RAB3IP: variants seen among roughly 807,000 people sequenced by gnomAD.
RAB3IP encodes the protein RAB3A interacting protein.
In RAB3IP, 36 loss-of-function variants were observed where a neutral mutation model predicts 59.1. The observed-to-expected ratio is 0.61, with a 90% CI of 0.47 to 0.80. The LOEUF (loss-of-function observed/expected upper bound fraction) is 0.80, where lower values mean the gene tolerates loss of function less well. RAB3IP is among the 30% of genes least tolerant of loss of function. RAB3IP has a pLI of 0.00. For missense variants in RAB3IP, 511 were observed against 536.0 expected, an observed-to-expected ratio of 0.95 and a Z score of 0.46; for synonymous variants, 207 against 191.2, an observed-to-expected ratio of 1.08 and a Z score of -0.68.
intron 3 of RAB3IP, among the ~76,000 whole-genome samples, chr12:69,760,522 T>C (rs1417343746): frequency 6.6e-6 from 1 of 152,250 alleles, no homozygotes; most frequent in African/African-American, 2.4e-5. Context: ...TTTCTTCATG[T>C]GGATCCAGAT....
intron 10 of RAB3IP, among the ~76,000 whole-genome samples, chr12:69,813,430 G>T (rs1880745988): frequency 1.3e-5 from 2 of 152,138 alleles, no homozygotes; most frequent in South Asian, 4.1e-4. Context: ...AACCATCATG[G>T]AGCTCAAAAT....
chr12:69,806,174 T>G (rs113260156), intron 8 of RAB3IP, among the ~76,000 whole-genome samples: 6 of 152,176 alleles, frequency 3.9e-5, no homozygotes, highest in African/African-American at 9.7e-5. Context: ...CAATTTCAGA[T>G]CCTGTTATTG....
At chr12:69,772,300 A>G (rs1032233721) in intron 3 of RAB3IP, among the ~76,000 whole-genome samples, 1 of 152,120 alleles carries the variant, frequency 6.6e-6, no homozygotes, top group African/African-American at 2.4e-5. Context: ...ATGTCCTTAC[A>G]GAGGATTTGA....
At chr12:69,757,068 T>A (rs1870348565) in intron 3 of RAB3IP, among the ~76,000 whole-genome samples, 1 of 152,248 alleles carries the variant, frequency 6.6e-6, no homozygotes, top group African/African-American at 2.4e-5. Context: ...AGTTTGAATA[T>A]TTTCTGTATC....
chr12:69,753,537 C>A (rs1869680859), intron 1 of RAB3IP, among the ~76,000 whole-genome samples: 1 of 151,932 alleles, frequency 6.6e-6, no homozygotes, highest in African/African-American at 2.4e-5. Flanking sequence ...TTAGTAGAGA[C>A]AGGGTTTCAC....
At chr12:69,810,497 A>T (rs1177894959) in intron 8 of RAB3IP, among the ~76,000 whole-genome samples, 2 of 152,192 alleles carry the variant, frequency 1.3e-5, no homozygotes. Flanking sequence ...AGCTGTTCCT[A>T]TTCGGCCATC....
Position 69,773,399 on chromosome 12 carries a change from C to CTTTTTTTTTTTT in RAB3IP, c.511-11308_511-11297dup, listed in dbSNP as rs71437123. On this transcript the variant is annotated intron_variant, in intron 3 of 10. Coordinates refer to ENST00000247833, the MANE Select transcript of RAB3IP (RefSeq NM_022456.5). ...ATACGCCTTCTACCCATTTGTCTTT[C>CTTTTTTTTTTTT]TTTTTTTTTTTTTTTTTTTTTTTTA... Among the ~76,000 whole-genome samples the CTTTTTTTTTTTT allele has an allele frequency of 6.4e-3, 308 of 47,972 alleles. 5 individuals are homozygous for CTTTTTTTTTTTT. The highest frequency in any genetic ancestry group is 6.8e-3 in the Non-Finnish European group (182 of 26,788). 31.5% of individuals were successfully genotyped at this position (47,972 alleles called of 152,430 possible).
chr12:69,801,623 T>C lies in RAB3IP; in HGVS notation c.1032T>C (p.Val344=), dbSNP rs768783256. 3 of 1,611,482 alleles carry C rather than the reference T, an allele frequency of 1.9e-6. No homozygotes were observed. In the Admixed American group the frequency reaches 5.0e-5, roughly 27 times the overall value. The part of the protein sequence containing the change: ...TFSKSELASA[V]LEAVENNTLS... ...TTTTTTTTAAGTTGGCTTCAGCTGT[T>C]CTGGAGGCTGTGGAAAACAATACTC... The change falls in exon 8 of 11, where the codon GTT becomes GTC. Residue 344 remains valine, a synonymous_variant. Coordinates refer to ENST00000247833, the MANE Select transcript of RAB3IP (RefSeq NM_022456.5).
At chr12:69,752,503 G>A (rs1013268827) in intron 1 of RAB3IP, among the ~76,000 whole-genome samples, 1 of 152,100 alleles carries the variant, frequency 6.6e-6, no homozygotes, top group Non-Finnish European at 1.5e-5. Context: ...CATTGAATCA[G>A]TTTTTTGCTA....
At chr12:69,814,862 C>T (rs1880953141) in intron 10 of RAB3IP, among the ~76,000 whole-genome samples, 1 of 152,124 alleles carries the variant, frequency 6.6e-6, no homozygotes, top group African/African-American at 2.4e-5. Context: ...ATTTTTATTT[C>T]TAATTTGAGC....
chr12:69,812,749 A>G lies in RAB3IP; in HGVS notation c.1131-29A>G, dbSNP rs75724582. The G allele has an allele frequency of 1.6e-3, 2,498 of 1,525,486 alleles. 35 individuals carry two copies. The African/African-American group carries it at 0.031, about 19-fold the overall frequency. 94.5% of individuals were successfully genotyped at this position (1,525,486 alleles called of 1,614,324 possible). A position where few individuals can be genotyped will look rare whatever the true frequency, so the allele number is the denominator to read the frequency against. On this transcript the variant is annotated intron_variant, in intron 8 of 10. Coordinates refer to ENST00000247833, the MANE Select transcript of RAB3IP (RefSeq NM_022456.5). ...GTAGGGGCAAATGCTTTTCATTTCA[A>G]AAAACTGAAATTTATCATTATTTCA... is the stretch of plus-strand genomic sequence containing the variant.
At chr12:69,769,000 T>G (rs1049276572) in intron 3 of RAB3IP, among the ~76,000 whole-genome samples, 3 of 152,020 alleles carry the variant, frequency 2.0e-5, no homozygotes, top group African/African-American at 7.3e-5. Context: ...TGGGGTCAGG[T>G]CTTTCCTGGG....
At chr12:69,785,179 A>G (rs1395187854) in intron 4 of RAB3IP, among the ~76,000 whole-genome samples, 1 of 152,234 alleles carries the variant, frequency 6.6e-6, no homozygotes, top group African/African-American at 2.4e-5. Context: ...ACATGGGATG[A>G]TTTGAGAAAT....
intron 8 of RAB3IP, among the ~76,000 whole-genome samples, chr12:69,809,766 C>A (rs1184930926): frequency 6.6e-6 from 1 of 152,152 alleles, no homozygotes; most frequent in Non-Finnish European, 1.5e-5. Flanking sequence ...CCTTTAAGGA[C>A]TTCTCTGCAT....
intron 4 of RAB3IP, among the ~76,000 whole-genome samples, chr12:69,789,398 A>G (rs1283685353): frequency 6.6e-6 from 1 of 152,110 alleles, no homozygotes; most frequent in African/African-American, 2.4e-5. Context: ...AGAAATAGAT[A>G]AATTCCTAGA....
chr12:69,771,560 A>G (rs1873120550), intron 3 of RAB3IP, among the ~76,000 whole-genome samples: 1 of 151,990 alleles, frequency 6.6e-6, no homozygotes, highest in Non-Finnish European at 1.5e-5. Context: ...ACTGATGAAC[A>G]CTTAGGTTAA....
intron 3 of RAB3IP, among the ~76,000 whole-genome samples, chr12:69,771,323 G>A (rs1336934315): frequency 6.6e-6 from 1 of 152,164 alleles, no homozygotes; most frequent in Non-Finnish European, 1.5e-5. Context: ...TTGACCACAG[G>A]CCTTCAAGAC....
At chr12:69,800,431 A>T in intron 7 of RAB3IP, 94 bp downstream of exon 7, 2 of 717,238 alleles carry the variant, frequency 2.8e-6, no homozygotes, top group Non-Finnish European at 4.1e-6. Context: ...TCTCTTACAT[A>T]AATAAGTTAT....
chr12:69,743,891 T>C (rs1168667570), intron 1 of RAB3IP, among the ~76,000 whole-genome samples: 3 of 149,422 alleles, frequency 2.0e-5, no homozygotes, highest in Non-Finnish European at 4.4e-5. Context: ...TCAGTGCGTA[T>C]TTCAGCACCT....
Sources: gnomAD v4.1 joint callset for allele counts (sites outside exome capture counted in the v4.1 genomes callset) on GRCh38, gnomAD v4.1.1 for gene constraint, MANE v1.5 for transcripts, NCBI Gene and HGNC (gene_info 2026-07-23, HGNC 2026-07-21) for gene names.